KIAA0319L: variants seen among roughly 807,000 people sequenced by gnomAD.
KIAA0319L encodes the protein KIAA0319 like.
Under a neutral mutation model 120.1 loss-of-function variants are expected in KIAA0319L, and 55 were observed. The ratio of observed to expected loss-of-function variants is 0.46; its 90% CI spans 0.37 to 0.57. KIAA0319L has a LOEUF of 0.57. Among genes scored for constraint, KIAA0319L ranks in the 20% least tolerant of loss-of-function variants. KIAA0319L has a pLI of 0.00. For synonymous variants in KIAA0319L, 398 were observed against 471.9 expected, an observed-to-expected ratio of 0.84 and a Z score of 2.03; for missense variants, 1,049 against 1,255.3, an observed-to-expected ratio of 0.84 and a Z score of 2.48.
In KIAA0319L at chr1:35,484,783, TATATATATATATATATATATA is replaced by T. The variant is rs1558438869; in HGVS notation, c.667-5592_667-5572del. Among the ~76,000 whole-genome samples the T allele has an allele frequency of 5.3e-5, 3 of 56,286 alleles. No homozygotes were observed. The Admixed American group carries it at 6.6e-4, about 12-fold the overall frequency. 36.9% of individuals were successfully genotyped at this position (56,286 alleles called of 152,430 possible). Reference sequence around the variant, plus strand: ...GTTTTTAATCATATATATATATATATATATATATATATATATATATATATTTTTTTTTTTATTATACTCTAA... The same window carrying T: ...GTTTTTAATCATATATATATATATATTATTTTTTTTTTTATTATACTCTAA... On this transcript the variant is annotated intron_variant, in intron 3 of 20. Coordinates refer to ENST00000325722, the MANE Select transcript of KIAA0319L (RefSeq NM_024874.5).
At chr1:35,485,186 C>T (rs573080997) in intron 3 of KIAA0319L, among the ~76,000 whole-genome samples, 38 of 152,018 alleles carry the variant, frequency 2.5e-4, no homozygotes, top group African/African-American at 8.9e-4. Flanking sequence ...GAGTAGCTAT[C>T]GATTGTTTTA....
chr1:35,457,058 G>A (rs980776334), intron 9 of KIAA0319L, among the ~76,000 whole-genome samples: 3 of 152,140 alleles, frequency 2.0e-5, no homozygotes, highest in African/African-American at 7.2e-5. Flanking sequence ...GCTGCTGCCT[G>A]CACGCATCTG....
chr1:35,543,844 T>G (rs1281286414), intron 2 of KIAA0319L, among the ~76,000 whole-genome samples: 2 of 152,124 alleles, frequency 1.3e-5, no homozygotes, highest in African/African-American at 4.8e-5. Flanking sequence ...ACCCAGAGTT[T>G]GGGAATAATT....
At chr1:35,539,589 G>C (rs937355164) in intron 2 of KIAA0319L, among the ~76,000 whole-genome samples, 8 of 152,234 alleles carry the variant, frequency 5.3e-5, no homozygotes, top group African/African-American at 1.7e-4. Context: ...ATATGGGGCT[G>C]CTTGCTTCAG....
chr1:35,526,399 A>G (rs1282702644), intron 2 of KIAA0319L, among the ~76,000 whole-genome samples: 2 of 145,138 alleles, frequency 1.4e-5, no homozygotes, highest in Non-Finnish European at 3.0e-5. Flanking sequence ...ATATATATAT[A>G]TATATATATA....
Position 35,453,784 on chromosome 1 carries a change from G to T in KIAA0319L, c.1781-95C>A. 1 of 1,233,282 alleles carries T rather than the reference G, an allele frequency of 8.1e-7. No individual in the cohort carries two copies. 76.4% of individuals were successfully genotyped at this position (1,233,282 alleles called of 1,614,324 possible). ...ACATGTTCTGGAAGCCATGGACTCTGCCTCTCAGGCCACAGAACTGTCAGA... is the reference window on the plus strand; with the variant it reads ...ACATGTTCTGGAAGCCATGGACTCTTCCTCTCAGGCCACAGAACTGTCAGA... On this transcript the variant is annotated intron_variant, in intron 11 of 20. Transcript: ENST00000325722. This position sits in a 1 kb window ranked among gnomAD's most constrained non-coding sequence, Gnocchi z 4.1.
chr1:35,474,204 T>C (rs1214951836), intron 5 of KIAA0319L, among the ~76,000 whole-genome samples: 1 of 152,192 alleles, frequency 6.6e-6, no homozygotes, highest in East Asian at 1.9e-4. Flanking sequence ...AGAGGTACTA[T>C]ATAATGTAGG....
intron 6 of KIAA0319L, among the ~76,000 whole-genome samples, chr1:35,467,808 C>T (rs530987093): frequency 1.8e-4 from 28 of 152,084 alleles, no homozygotes; most frequent in African/African-American, 6.8e-4. Flanking sequence ...CATGCCTTAG[C>T]CTCCCAAGTA....
chr1:35,492,170 A>G (rs1211820460), intron 3 of KIAA0319L, among the ~76,000 whole-genome samples: 1 of 152,210 alleles, frequency 6.6e-6, no homozygotes, highest in African/African-American at 2.4e-5. Context: ...AAACAGATGT[A>G]AAAATTCATG....
chr1:35,464,557 A>G (rs1643122294), intron 7 of KIAA0319L, among the ~76,000 whole-genome samples: 1 of 152,236 alleles, frequency 6.6e-6, no homozygotes, highest in African/African-American at 2.4e-5. Flanking sequence ...AAAAGTTCAG[A>G]AAATTTGCAG....
intron 4 of KIAA0319L, among the ~76,000 whole-genome samples, chr1:35,475,178 A>G (rs1643864006): frequency 6.6e-6 from 1 of 152,140 alleles, no homozygotes; most frequent in Non-Finnish European, 1.5e-5. Context: ...TACTATTGCT[A>G]ACTGCCTCCA....
chr1:35,456,903 AGAAGGAAGGAATGAAG>A (rs1269716473), intron 9 of KIAA0319L, among the ~76,000 whole-genome samples: 4 of 117,486 alleles, frequency 3.4e-5, no homozygotes, highest in Non-Finnish European at 6.7e-5. Context: ...AGGGAGGGAA[AGAAGGAAGGAATGAAG>A]GAAGGAAGGA....
At chr1:35,515,151 A>G (rs1045225353) in intron 2 of KIAA0319L, among the ~76,000 whole-genome samples, 1 of 152,112 alleles carries the variant, frequency 6.6e-6, no homozygotes, top group African/African-American at 2.4e-5. Flanking sequence ...CATCTCTATT[A>G]AAAATACAAA....
At chr1:35,480,741 T>G (rs1644130362) in intron 3 of KIAA0319L, among the ~76,000 whole-genome samples, 1 of 151,886 alleles carries the variant, frequency 6.6e-6, no homozygotes, top group East Asian at 1.9e-4. Context: ...GCCGATATCA[T>G]GCCACTGTAC....
intron 2 of KIAA0319L, among the ~76,000 whole-genome samples, chr1:35,536,148 T>C (rs1646564726): frequency 6.6e-6 from 1 of 152,196 alleles, no homozygotes; most frequent in Non-Finnish European, 1.5e-5. Context: ...AGAATGAGCT[T>C]TTCCAATTAA....
intron 9 of KIAA0319L, among the ~76,000 whole-genome samples, chr1:35,457,455 C>T (rs1193263612): frequency 1.5e-5 from 2 of 137,826 alleles, no homozygotes; most frequent in Non-Finnish European, 3.1e-5. Flanking sequence ...TTCTCCTACG[C>T]AACAGTCCCA....
At chr1:35,456,262 G>A (rs1274559623) in intron 9 of KIAA0319L, 21 bp from the exon 10 acceptor site, 1 of 1,455,110 alleles carries the variant, frequency 6.9e-7, no homozygotes, top group African/African-American at 1.4e-5. Context: ...AGAGAGAGGA[G>A]TGTGATCAGG....
At chr1:35,524,747 C>A (rs578100929) in intron 2 of KIAA0319L, among the ~76,000 whole-genome samples, 32 of 152,240 alleles carry the variant, frequency 2.1e-4, no homozygotes, top group African/African-American at 7.7e-4. Context: ...TATGGGATAC[C>A]TGTGAGTATT....
intron 17 of KIAA0319L, 145 bp from the exon 18 acceptor site, chr1:35,443,173 T>G (rs1641352961): frequency 1.1e-6 from 1 of 894,774 alleles, no homozygotes; most frequent in Non-Finnish European, 1.7e-6. Context: ...GCATGGTGCC[T>G]GCCTTTCTCA....
Sources: gnomAD v4.1 joint callset for allele counts (sites outside exome capture counted in the v4.1 genomes callset) on GRCh38, gnomAD v4.1.1 for gene constraint, Gnocchi (gnomAD v3.1) non-coding constraint, MANE v1.5 for transcripts, NCBI Gene and HGNC (gene_info 2026-07-23, HGNC 2026-07-21) for gene names.